MEGF11: variants seen among roughly 807,000 people sequenced by gnomAD.
MEGF11 encodes the protein multiple epidermal growth factor-like domains protein 11.
In MEGF11, 126 loss-of-function variants were observed where a neutral mutation model predicts 146.6. That is an observed-to-expected ratio of 0.86 (90% CI 0.74 to 1.00). The LOEUF (loss-of-function observed/expected upper bound fraction) is 1.00, where lower values mean the gene tolerates loss of function less well. Ranked by LOEUF, MEGF11 falls within the 50% of genes least tolerant of loss-of-function variation. The probability of loss-of-function intolerance (pLI) is 0.00; values close to 1 mark genes in which losing one functional copy is unlikely to be tolerated. For synonymous variants in MEGF11, 532 were observed against 583.4 expected (o/e 0.91, Z 1.27); for missense variants, 1,509 against 1,521.2 (o/e 0.99, Z 0.13).
intron 1 of MEGF11, among the ~76,000 whole-genome samples, chr15:66,237,433 A>G (rs2092119986): frequency 6.6e-6 from 1 of 152,182 alleles, no homozygotes; most frequent in South Asian, 2.1e-4. Flanking sequence ...AGTGCCTAAC[A>G]TCTGCTGTTA....
chr15:65,947,486 G>A (rs1335485654), intron 10 of MEGF11, among the ~76,000 whole-genome samples: 2 of 152,196 alleles, frequency 1.3e-5, no homozygotes. Flanking sequence ...AGAGTGCAAA[G>A]TGGGGATGCT....
intron 22 of MEGF11, 137 bp downstream of exon 22, chr15:65,909,603 T>G: frequency 1.2e-6 from 1 of 808,354 alleles, no homozygotes; most frequent in Non-Finnish European, 2.0e-6. Context: ...CATCTGCTTG[T>G]GAGAGCCAAA....
chr15:66,054,818 G>T (rs1466114588), intron 5 of MEGF11, among the ~76,000 whole-genome samples: 6 of 152,128 alleles, frequency 3.9e-5, no homozygotes, highest in Non-Finnish European at 8.8e-5. Flanking sequence ...GGGTTATGAG[G>T]GTGGTAAAGG....
chr15:66,219,271 A>G (rs77816546), intron 1 of MEGF11, among the ~76,000 whole-genome samples: 2,166 of 152,202 alleles, frequency 0.014, 41 homozygotes, highest in East Asian at 0.091. Context: ...ATGAAAAGAC[A>G]CTCTACAGAG....
intron 5 of MEGF11, among the ~76,000 whole-genome samples, chr15:65,995,991 T>A (rs963674118): frequency 1.3e-5 from 2 of 152,134 alleles, no homozygotes; most frequent in African/African-American, 4.8e-5. Flanking sequence ...GGGACCTGCC[T>A]AAGGAGAGCA....
At chr15:66,177,670 T>C (rs1359035429) in intron 1 of MEGF11, among the ~76,000 whole-genome samples, 1 of 151,674 alleles carries the variant, frequency 6.6e-6, no homozygotes. Context: ...CCCAATTCCA[T>C]TGCCTTTTTC....
rs865928821 is a variant in MEGF11, at chr15:65,982,484, G to A, written c.399C>T (p.Cys133=). The change falls in exon 6 of 26, where the codon TGC becomes TGT. Residue 133 remains cysteine, a synonymous_variant. Coordinates refer to ENST00000395614, the MANE Select transcript of MEGF11 (RefSeq NM_001385028.1). The surrounding 1 kb of genome is among the most constrained non-coding windows in gnomAD (Gnocchi z 5.6). The part of the protein sequence containing the change: ...GWGGPDCSSG[C]DSDHWGPHCS... ...AGTGGGGCCCCCAGTGGTCGCTGTC[G>A]CAGCCTGCAAGAGACGGGACAGTCA... is the stretch of plus-strand genomic sequence containing the variant. 3 of 1,475,902 alleles carry A rather than the reference G, an allele frequency of 2.0e-6. No homozygotes were observed. The highest frequency in any genetic ancestry group is 1.4e-5 in the South Asian group (1 of 71,862). 91.4% of individuals were successfully genotyped at this position (1,475,902 alleles called of 1,614,324 possible).
intron 9 of MEGF11, among the ~76,000 whole-genome samples, chr15:65,964,153 G>C (rs1435648863): frequency 3.9e-5 from 6 of 152,222 alleles, no homozygotes; most frequent in Admixed American, 3.3e-4. Context: ...AGTGCCAGCT[G>C]GTGCGTGAAG....
chr15:65,980,705 C>G, intron 7 of MEGF11, 73 bp downstream of exon 7: 1 of 1,475,664 alleles, frequency 6.8e-7, no homozygotes, highest in Non-Finnish European at 9.0e-7. Flanking sequence ...GCTAGTTTAG[C>G]CTTTTAAGGT....
At chr15:66,028,697 G>A (rs1342176365) in intron 5 of MEGF11, among the ~76,000 whole-genome samples, 2 of 152,282 alleles carry the variant, frequency 1.3e-5, no homozygotes, top group South Asian at 4.1e-4. Context: ...TAAACCCAAC[G>A]CACTATTATG....
At chr15:66,050,165 T>C (rs2084392976) in intron 5 of MEGF11, among the ~76,000 whole-genome samples, 1 of 152,140 alleles carries the variant, frequency 6.6e-6, no homozygotes, top group Non-Finnish European at 1.5e-5. Context: ...GCTCAAGCAA[T>C]CCTCCTGTCT....
chr15:66,082,672 C>CAAAAAAAAAAAAAAAAAAAAA (rs71139462), intron 5 of MEGF11, among the ~76,000 whole-genome samples: 1 of 39,150 alleles, frequency 2.6e-5, no homozygotes, highest in African/African-American at 1.1e-4. Flanking sequence ...GACTCTGTCT[C>CAAAAAAAAAAAAAAAAAAAAA]AAAAAAAAAA....
intron 24 of MEGF11, chr15:65,905,784 A>C: frequency 3.5e-6 from 1 of 282,642 alleles, no homozygotes; most frequent in Non-Finnish European, 6.5e-6. Context: ...TTTAACTCGT[A>C]CTAATTGGTT....
chr15:66,163,776 A>G (rs1225000573), intron 1 of MEGF11, among the ~76,000 whole-genome samples: 5 of 152,192 alleles, frequency 3.3e-5, no homozygotes, highest in African/African-American at 2.4e-5. Context: ...CGGGGCATCA[A>G]TCAGTGGCAG....
Position 65,913,769 on chromosome 15 carries a change from A to G in MEGF11, c.2678T>C (p.Met893Thr). The change falls in exon 20 of 26, where the codon ATG (methionine) becomes ACG (threonine). Residue 893 changes from methionine (M) to threonine (T), a missense_variant. By Grantham distance (81) the Met-to-Thr change is moderately conservative. Transcript: ENST00000395614. ...LAPRVSYTPA[M>T]RMTSTDYSLS... ...GGAGTAGTCGGTGCTGGTCATCCTC[A>G]TGGCAGGTGTGTAGGAGACACGGGG... 6.2e-7 allele frequency: 1 copy of G among 1,613,500 alleles called. No homozygotes were observed. Among genetic ancestry groups the G allele is most frequent in the Non-Finnish European group, 8.5e-7 (1 of 1,179,716 alleles).
intron 5 of MEGF11, among the ~76,000 whole-genome samples, chr15:66,039,539 G>A (rs925272716): frequency 5.3e-5 from 8 of 152,218 alleles, no homozygotes; most frequent in Non-Finnish European, 7.3e-5. Context: ...TACAGACAGA[G>A]AAACAGACAC....
intron 5 of MEGF11, among the ~76,000 whole-genome samples, chr15:66,027,011 TG>T (rs2083351912): frequency 6.6e-6 from 1 of 152,218 alleles, no homozygotes; most frequent in Non-Finnish European, 1.5e-5. Flanking sequence ...AGTGATGTCT[TG>T]GTGCCTGTGA....
Position 65,913,963 on chromosome 15 carries a change from C to T in MEGF11, c.2484G>A (p.Met828Ile). Residue 828 changes from methionine to isoleucine, a missense_variant, in exon 20 of 26, where the codon ATG becomes ATA. Physicochemically the swap from Met to Ile is conservative, Grantham distance 10. Coordinates refer to ENST00000395614, the MANE Select transcript of MEGF11 (RefSeq NM_001385028.1). ...TGGTGTAGGGATTCAGCTCCTCCAT[C>T]ATGAGGGCAGCTGCGGGCAGAGGGA... ...KGIRCDQAAL[M>I]MEELNPYTKI... is the part of the protein sequence containing the mutation. The T allele has an allele frequency of 6.2e-7, 1 of 1,613,664 alleles. No individual in the cohort carries two copies.
At chr15:66,014,586 C>T (rs2082819521) in intron 5 of MEGF11, among the ~76,000 whole-genome samples, 2 of 152,172 alleles carry the variant, frequency 1.3e-5, no homozygotes, top group African/African-American at 4.8e-5. Flanking sequence ...CTTTGAGATT[C>T]CCAGGGTACC....
Sources: allele counts gnomAD v4.1 joint callset (sites outside exome capture counted in the v4.1 genomes callset), GRCh38; gene constraint gnomAD v4.1.1; non-coding constraint Gnocchi (gnomAD v3.1); transcripts MANE v1.5; gene names NCBI Gene and HGNC (gene_info 2026-07-23, HGNC 2026-07-21).